TCP11L1: variants seen among roughly 807,000 people sequenced by gnomAD.
TCP11L1 encodes the protein T-complex protein 11-like protein 1.
TCP11L1 carries 28 observed loss-of-function variants against 48.9 expected under a neutral mutation model. That is an observed-to-expected ratio of 0.57 (90% confidence interval 0.42 to 0.78). TCP11L1 has a LOEUF of 0.78. Ranked by LOEUF, TCP11L1 falls within the 30% of genes least tolerant of loss-of-function variation. The pLI is 0.00. For synonymous variants in TCP11L1, 204 were observed against 231.9 expected (o/e 0.88, Z 1.09); for missense variants, 505 against 613.4 (o/e 0.82, Z 1.87).
At position 33,061,669 on chromosome 11, in the gene TCP11L1, G is replaced by C; in HGVS notation, c.915G>C (p.Gln305His). The change falls in exon 7 of 10, where the codon CAG (glutamine) becomes CAC (histidine). Residue 305 changes from glutamine to histidine, a missense_variant. Physicochemically the swap from Gln to His is conservative, Grantham distance 24. Transcript: ENST00000334274. ...CCAGGCTGAGCCCTGTTGCTGTCCA[G>C]AATTACGCTTACCTGAAGCTTCTGA... is the stretch of plus-strand genomic sequence containing the variant. ...DMPRLSPVAV[Q>H]NYAYLKLLKW... 2 of 1,611,796 alleles carry C rather than the reference G, an allele frequency of 1.2e-6. No homozygotes were observed. The highest frequency in any genetic ancestry group is 1.7e-6 in the Non-Finnish European group (2 of 1,178,900).
chr11:33,061,774 T>A, intron 7 of TCP11L1, 48 bp downstream of exon 7: 1 of 1,513,588 alleles, frequency 6.6e-7, no homozygotes. Context: ...TTTGTGCTGC[T>A]GAACTTTTTA....
At chr11:33,044,037 T>C in intron 2 of TCP11L1, 101 bp downstream of exon 2, 1 of 1,187,966 alleles carries the variant, frequency 8.4e-7, no homozygotes, top group Non-Finnish European at 1.2e-6. Flanking sequence ...TAGGTTCTAA[T>C]AATATAACAT....
At chr11:33,047,162 G>A (rs755585351) in intron 2 of TCP11L1, among the ~76,000 whole-genome samples, 5 of 151,166 alleles carry the variant, frequency 3.3e-5, no homozygotes, top group African/African-American at 7.3e-5. Flanking sequence ...GCAGTGAACC[G>A]AGATTGTGCC....
Position 33,072,859 on chromosome 11 carries a change from T to TGGG in TCP11L1, c.*184_*185insGGG. The TGGG allele has an allele frequency of 1.5e-6, 1 of 680,096 alleles. No individual in the cohort carries two copies. Among genetic ancestry groups the TGGG allele is most frequent in the Non-Finnish European group, 2.4e-6 (1 of 408,832 alleles). The allele number at this position is 680,096 out of a possible 1,614,324, so 42.1% of individuals were successfully genotyped here. Reference sequence around the variant, plus strand: ...TTGAGAAATCCACTGAATTCTATTTTGAGAGATTGTATTTATGAGTGCAAG... The same window carrying TGGG: ...TTGAGAAATCCACTGAATTCTATTTTGGGGAGAGATTGTATTTATGAGTGCAAG... On this transcript the variant is annotated 3_prime_UTR_variant, in exon 10 of 10. Transcript: ENST00000334274.
rs576447088 is a variant in TCP11L1, at chr11:33,073,398, G to C, written c.*722G>C. ...GAGCAGTTATGACTTATGAGATCTA[G>C]TGAAAGGAAAGTCTTTGACTTTCAA... On this transcript the variant is annotated 3_prime_UTR_variant, in exon 10 of 10. Coordinates refer to ENST00000334274, the MANE Select transcript of TCP11L1 (RefSeq NM_018393.4). The C allele has an allele frequency of 6.9e-6, 1 of 145,848 alleles. No homozygotes were observed. The highest frequency in any genetic ancestry group is 1.6e-5 in the Non-Finnish European group (1 of 63,814). The allele number at this position is 145,848 out of a possible 1,614,324, so 9.0% of individuals were successfully genotyped here.
chr11:33,051,638 T>C (rs796637299), intron 2 of TCP11L1, among the ~76,000 whole-genome samples: 18 of 152,252 alleles, frequency 1.2e-4, no homozygotes, highest in African/African-American at 3.6e-4. Flanking sequence ...AAATGATTTT[T>C]AGTAGAGACA....
At chr11:33,072,360 A>AAGG (rs1854817071) in intron 9 of TCP11L1, 114 bp from the exon 10 acceptor site, 1 of 1,048,102 alleles carries the variant, frequency 9.5e-7, no homozygotes, top group Non-Finnish European at 1.5e-6. Context: ...GTCTGGGAGT[A>AAGG]TTGATCGGGG....
chr11:33,052,249 A>T (rs559484694), intron 2 of TCP11L1, among the ~76,000 whole-genome samples: 43 of 152,298 alleles, frequency 2.8e-4, no homozygotes, highest in East Asian at 1.3e-3. Flanking sequence ...GTTAAAAAAA[A>T]TTTTTTTAAT....
intron 2 of TCP11L1, among the ~76,000 whole-genome samples, chr11:33,052,486 T>A (rs11032123): frequency 0.41 from 61,632 of 151,048 alleles, 12,741 homozygotes; most frequent in African/African-American, 0.47. Context: ...TTTTTTCTTT[T>A]TTTTGGTGCG....
intron 7 of TCP11L1, 29 bp downstream of exon 7, chr11:33,061,755 A>G (rs763540387): frequency 5.8e-6 from 9 of 1,545,046 alleles, no homozygotes; most frequent in Non-Finnish European, 7.9e-6. Context: ...CTCACTACTC[A>G]TATTTGTTTT....
chr11:33,057,155 T>G lies in TCP11L1; in HGVS notation c.337T>G (p.Trp113Gly). ...RVKEIVHKAF[W>G]DCLSVQLSED... ...AAAGGAGATTGTACATAAAGCGTTT[T>G]GGGATTGCTTGAGTGTGCAGCTAAG... Residue 113 changes from tryptophan (W) to glycine (G), a missense_variant, in exon 4 of 10, where the codon TGG becomes GGG. Trp to Gly is a radical substitution (Grantham distance 184). Around this residue, in one of 3 missense-constraint regions of TCP11L1, gnomAD observed 168 missense variants for 183.5 expected, o/e 0.92. Transcript: ENST00000334274. 1 of 1,614,154 alleles carries G rather than the reference T, an allele frequency of 6.2e-7. No individual in the cohort carries two copies. The highest frequency in any genetic ancestry group is 8.5e-7 in the Non-Finnish European group (1 of 1,180,014).
At chr11:33,050,878 G>A (rs1261122983) in intron 2 of TCP11L1, among the ~76,000 whole-genome samples, 1 of 151,560 alleles carries the variant, frequency 6.6e-6, no homozygotes, top group Non-Finnish European at 1.5e-5. Flanking sequence ...CTGTGGCGGG[G>A]TCATGGCTCA....
At chr11:33,058,454 TC>T in intron 5 of TCP11L1, among the ~76,000 whole-genome samples, 1 of 151,706 alleles carries the variant, frequency 6.6e-6, no homozygotes, top group African/African-American at 2.4e-5. Context: ...TGCCTTGGCC[TC>T]CCAAAGTGCT....
At chr11:33,061,463 CT>C in intron 6 of TCP11L1, 66 bp from the exon 7 acceptor site, 1 of 1,453,582 alleles carries the variant, frequency 6.9e-7, no homozygotes, top group Non-Finnish European at 9.2e-7. Context: ...TCGATTGTCC[CT>C]TAAGTAATTC....
At chr11:33,067,428 C>T (rs1477929494) in intron 8 of TCP11L1, among the ~76,000 whole-genome samples, 3 of 152,098 alleles carry the variant, frequency 2.0e-5, no homozygotes, top group Admixed American at 6.5e-5. Flanking sequence ...GGGGCGTGTC[C>T]GTAAGTTGTG....
At chr11:33,049,060 G>A (rs977811977) in intron 2 of TCP11L1, among the ~76,000 whole-genome samples, 1 of 152,126 alleles carries the variant, frequency 6.6e-6, no homozygotes, top group African/African-American at 2.4e-5. Flanking sequence ...GACCATCCTG[G>A]CCAACATGGT....
At chr11:33,053,364 C>T (rs1854220528) in intron 2 of TCP11L1, among the ~76,000 whole-genome samples, 2 of 152,096 alleles carry the variant, frequency 1.3e-5, no homozygotes, top group South Asian at 4.1e-4. Flanking sequence ...ACGTGGGTCT[C>T]CAACTCCTGA....
chr11:33,043,547 T>C (rs1564972727), intron 1 of TCP11L1, among the ~76,000 whole-genome samples: 2 of 152,212 alleles, frequency 1.3e-5, no homozygotes, highest in Admixed American at 1.3e-4. Context: ...AGAAATCTGA[T>C]AAATTACAAA....
rs1854853063 is a variant in TCP11L1, at chr11:33,073,379, T to G, written c.*703T>G. ...TACTCCTGCATCTGGTTGAGAGCAG[T>G]TATGACTTATGAGATCTAGTGAAAG... On this transcript the variant is annotated 3_prime_UTR_variant, in exon 10 of 10. Transcript: ENST00000334274. 1 of 148,358 alleles carries G rather than the reference T, an allele frequency of 6.7e-6. No individual in the cohort carries two copies. 9.2% of individuals were successfully genotyped at this position (148,358 alleles called of 1,614,324 possible).
Sources: gnomAD v4.1 joint callset for allele counts (sites outside exome capture counted in the v4.1 genomes callset) on GRCh38, gnomAD v4.1.1 for gene constraint, gnomAD v4.1.1 regional missense constraint, MANE v1.5 for transcripts, NCBI Gene and HGNC (gene_info 2026-07-23, HGNC 2026-07-21) for gene names.